VTI1B: variants seen among roughly 807,000 people sequenced by gnomAD.
VTI1B encodes the protein vesicle transport through interaction with t-SNAREs homolog 1B.
VTI1B carries 18 observed loss-of-function variants against 28.6 expected under a neutral mutation model. That is an observed-to-expected ratio of 0.63 (90% confidence interval 0.43 to 0.93). VTI1B has a LOEUF of 0.93. VTI1B is among the 40% of genes least tolerant of loss of function. VTI1B has a pLI of 0.00. For missense variants in VTI1B, 283 were observed against 297.0 expected, an observed-to-expected ratio of 0.95 and a Z score of 0.35; for synonymous variants, 100 against 107.9, an observed-to-expected ratio of 0.93 and a Z score of 0.46.
chr14:67,663,393 G>C (rs1395439491), intron 1 of VTI1B, among the ~76,000 whole-genome samples: 1 of 152,072 alleles, frequency 6.6e-6, no homozygotes, highest in Non-Finnish European at 1.5e-5. Context: ...AAGTGACAAG[G>C]CTGGGCACGG....
At position 67,651,031 on chromosome 14, in the gene VTI1B, C is replaced by A; in HGVS notation, c.*354G>T. On this transcript the variant is annotated 3_prime_UTR_variant, in exon 6 of 6. Coordinates refer to ENST00000554659, the MANE Select transcript of VTI1B (RefSeq NM_006370.3). ...TGGGTCAATACTGCCTTAATGAGAA[C>A]ATTTACACATTCTCACAATTGTAAA... 8.9e-7 allele frequency: 1 copy of A among 1,126,266 alleles called. No homozygotes were observed. 69.8% of individuals were successfully genotyped at this position (1,126,266 alleles called of 1,614,324 possible). A position where few individuals can be genotyped will look rare whatever the true frequency, so the allele number is the denominator to read the frequency against.
At chr14:67,658,402 G>A (rs2140817937) in intron 3 of VTI1B, among the ~76,000 whole-genome samples, 1 of 152,118 alleles carries the variant, frequency 6.6e-6, no homozygotes, top group East Asian at 1.9e-4. Flanking sequence ...AGATCATCCT[G>A]GCTAACACGG....
At chr14:67,659,526 T>C (rs2037308894) in intron 3 of VTI1B, among the ~76,000 whole-genome samples, 1 of 151,064 alleles carries the variant, frequency 6.6e-6, no homozygotes, top group Admixed American at 6.6e-5. Context: ...AATCTAAATA[T>C]GCATATAGTT....
At position 67,648,896 on chromosome 14, in the gene VTI1B, TATAG is replaced by T. The variant is rs1291903585; in HGVS notation, c.*2485_*2488del. 6.6e-6 allele frequency: 1 copy of T among 152,178 alleles called. No individual in the cohort carries two copies. Among genetic ancestry groups the T allele is most frequent in the African/African-American group, 2.4e-5 (1 of 41,442 alleles). The allele number at this position is 152,178 out of a possible 1,614,324, so 9.4% of individuals were successfully genotyped here. ...CAGTAACCATCTGATGGAACTAGGG[TATAG>T]ATAGAGACCCCAGATTGAAAGGTTC... On this transcript the variant is annotated 3_prime_UTR_variant, in exon 6 of 6. Coordinates refer to ENST00000554659, the MANE Select transcript of VTI1B (RefSeq NM_006370.3).
chr14:67,663,834 T>C (rs2140834036), intron 1 of VTI1B, among the ~76,000 whole-genome samples: 1 of 152,278 alleles, frequency 6.6e-6, no homozygotes, highest in Non-Finnish European at 1.5e-5. Context: ...GGGGTGAGGT[T>C]CTGGTGCCAG....
chr14:67,656,115 G>A (rs1328246105), intron 4 of VTI1B, among the ~76,000 whole-genome samples: 1 of 151,886 alleles, frequency 6.6e-6, no homozygotes, highest in East Asian at 1.9e-4. Context: ...GCATGGTGGC[G>A]CATGCCTGTA....
In VTI1B at chr14:67,650,524, C is replaced by G. The variant is rs983197727; in HGVS notation, c.*861G>C. On this transcript the variant is annotated 3_prime_UTR_variant, in exon 6 of 6. Coordinates refer to ENST00000554659, the MANE Select transcript of VTI1B (RefSeq NM_006370.3). ...AAAGGTTTCTTTTAATCTACTATAGCACAACAGTGTTTTAACTTAAATTCA... is the reference window on the plus strand; with the variant it reads ...AAAGGTTTCTTTTAATCTACTATAGGACAACAGTGTTTTAACTTAAATTCA... The G allele has an allele frequency of 1.7e-6, 1 of 604,918 alleles. No individual in the cohort carries two copies. Among genetic ancestry groups the G allele is most frequent in the Non-Finnish European group, 2.9e-6 (1 of 339,824 alleles). The allele number at this position is 604,918 out of a possible 1,614,324, so 37.5% of individuals were successfully genotyped here.
At chr14:67,651,722 GT>G (rs1490799223) in intron 5 of VTI1B, 1 of 360,820 alleles carries the variant, frequency 2.8e-6, no homozygotes, top group Admixed American at 4.3e-5. Flanking sequence ...ATTCTGAAAT[GT>G]TGTTCAAATA....
At chr14:67,657,675 C>T (rs1229873080) in intron 3 of VTI1B, among the ~76,000 whole-genome samples, 1 of 151,944 alleles carries the variant, frequency 6.6e-6, no homozygotes, top group Admixed American at 6.6e-5. Context: ...AGCAAGTGAC[C>T]ACTGGCAGTA....
Position 67,647,185 on chromosome 14 carries a change from C to G in VTI1B, c.*4200G>C, listed in dbSNP as rs970080122. ...CAAAATTTGAAACACAGGTCATATTCTTCCTCTGGGGTTTTTGGGAGGAGG... is the reference window on the plus strand; with the variant it reads ...CAAAATTTGAAACACAGGTCATATTGTTCCTCTGGGGTTTTTGGGAGGAGG... On this transcript the variant is annotated 3_prime_UTR_variant, in exon 6 of 6. Transcript: ENST00000554659. The G allele has an allele frequency of 1.1e-5, 6 of 539,754 alleles. No individual in the cohort carries two copies. The East Asian group carries it at 1.5e-4, about 13-fold the overall frequency. The allele number at this position is 539,754 out of a possible 1,614,324, so 33.4% of individuals were successfully genotyped here.
intron 1 of VTI1B, among the ~76,000 whole-genome samples, chr14:67,664,397 C>T (rs766202197): frequency 6.6e-6 from 1 of 152,172 alleles, no homozygotes; most frequent in Non-Finnish European, 1.5e-5. Flanking sequence ...CAAGGTTCAT[C>T]TATGCTGTTG....
chr14:67,661,647 T>A (rs1160051877), intron 2 of VTI1B, among the ~76,000 whole-genome samples: 1 of 145,166 alleles, frequency 6.9e-6, no homozygotes, highest in Non-Finnish European at 1.5e-5. Context: ...ATCTCCCACC[T>A]CAGCCTCCTG....
rs758058845 is a variant in VTI1B, at chr14:67,647,551, T to C, written c.*3834A>G. 6.4e-6 allele frequency: 1 copy of C among 155,616 alleles called. No homozygotes were observed. Among genetic ancestry groups the C allele is most frequent in the Non-Finnish European group, 1.4e-5 (1 of 70,530 alleles). 9.6% of individuals were successfully genotyped at this position (155,616 alleles called of 1,614,324 possible). A position where few individuals can be genotyped will look rare whatever the true frequency, so the allele number is the denominator to read the frequency against. On this transcript the variant is annotated 3_prime_UTR_variant, in exon 6 of 6. Coordinates refer to ENST00000554659, the MANE Select transcript of VTI1B (RefSeq NM_006370.3). ...CAGCCTTTGGACACTGGGGCTATAA[T>C]GAAGTTAGAAATGGAAGATGTTAAA...
intron 2 of VTI1B, among the ~76,000 whole-genome samples, chr14:67,660,753 G>A (rs1312338139): frequency 6.6e-6 from 1 of 152,160 alleles, no homozygotes; most frequent in Non-Finnish European, 1.5e-5. Context: ...TCATCTGCCT[G>A]GAATGGGCAG....
chr14:67,662,838 A>G lies in VTI1B; in HGVS notation c.116-303T>C, dbSNP rs367566711. ...GAAATGCTTGAACCCAGGAGGTGGA[A>G]GTGGCAATGAGCCGAGATTGCGCCA... On this transcript the variant is annotated intron_variant, in intron 1 of 5. Transcript: ENST00000554659. 3.0e-4 allele frequency among the ~76,000 whole-genome samples: 45 copies of G among 148,646 alleles called. 1 individual carries two copies. Among genetic ancestry groups the G allele is most frequent in the African/African-American group, 1.1e-3 (44 of 40,188 alleles).
intron 4 of VTI1B, 50 bp downstream of exon 4, chr14:67,656,366 G>GC (rs762214211): frequency 6.8e-7 from 1 of 1,469,362 alleles, no homozygotes; most frequent in Non-Finnish European, 9.1e-7. Flanking sequence ...AGGTGCAGTG[G>GC]CCCCCTAATT....
chr14:67,658,458 G>C (rs923683424), intron 3 of VTI1B, among the ~76,000 whole-genome samples: 4 of 152,108 alleles, frequency 2.6e-5, no homozygotes, highest in Non-Finnish European at 4.4e-5. Flanking sequence ...TTAGCCGGGC[G>C]TGGTGGTGGG....
intron 2 of VTI1B, among the ~76,000 whole-genome samples, chr14:67,661,712 G>A (rs1218494502): frequency 6.8e-6 from 1 of 147,388 alleles, no homozygotes; most frequent in African/African-American, 2.5e-5. Flanking sequence ...TTTTTTGTTT[G>A]GTAGAGATGG....
intron 1 of VTI1B, among the ~76,000 whole-genome samples, chr14:67,673,699 T>C (rs572855780): frequency 8.3e-4 from 127 of 152,350 alleles, no homozygotes; most frequent in African/African-American, 2.9e-3. Flanking sequence ...AACAAAGTTT[T>C]GTCCTTGCCA....
Sources: allele counts gnomAD v4.1 joint callset (sites outside exome capture counted in the v4.1 genomes callset), GRCh38; gene constraint gnomAD v4.1.1; transcripts MANE v1.5; gene names NCBI Gene and HGNC (gene_info 2026-07-23, HGNC 2026-07-21).